The following NOL4 variants were observed in gnomAD, a reference collection of about 807,000 sequenced individuals.
The protein encoded by NOL4 is nucleolar protein 4.
In NOL4, 17 loss-of-function variants were observed where a neutral mutation model predicts 75.9. The ratio of observed to expected loss-of-function variants is 0.22; its 90% confidence interval spans 0.15 to 0.34. NOL4 has a LOEUF of 0.34. Among genes scored for constraint, NOL4 ranks in the 10% least tolerant of loss-of-function variants. The pLI is 1.00. For missense variants in NOL4, 614 were observed against 793.5 expected (o/e 0.77, Z 2.72); for synonymous variants, 292 against 289.9 (o/e 1.01, Z -0.07).
At chr18:34,004,632 C>T (rs1391120309) in intron 6 of NOL4, among the ~76,000 whole-genome samples, 3 of 152,064 alleles carry the variant, frequency 2.0e-5, no homozygotes, top group Non-Finnish European at 4.4e-5. Context: ...ATCATTCTCT[C>T]ATGTTATGGT....
At chr18:34,116,289 G>T (rs968145033) in intron 2 of NOL4, among the ~76,000 whole-genome samples, 1 of 142,376 alleles carries the variant, frequency 7.0e-6, no homozygotes. Context: ...CCATCTGTGG[G>T]TTATAAAAAA....
chr18:34,002,510 C>A (rs1480272176), intron 6 of NOL4, among the ~76,000 whole-genome samples: 2 of 152,058 alleles, frequency 1.3e-5, no homozygotes, highest in Non-Finnish European at 2.9e-5. Context: ...TTTGACCATA[C>A]CATGTCTTCT....
At chr18:34,187,020 T>C (rs766678657) in intron 1 of NOL4, among the ~76,000 whole-genome samples, 1 of 152,174 alleles carries the variant, frequency 6.6e-6, no homozygotes, top group Non-Finnish European at 1.5e-5. Flanking sequence ...AGTTGATGAA[T>C]CTACCTTGGC....
chr18:33,908,432 A>G (rs1374890980), intron 9 of NOL4, among the ~76,000 whole-genome samples: 1 of 152,168 alleles, frequency 6.6e-6, no homozygotes, highest in Non-Finnish European at 1.5e-5. Flanking sequence ...TCCCTTCCTA[A>G]TATCACTACA....
intron 6 of NOL4, among the ~76,000 whole-genome samples, chr18:34,012,866 C>T (rs564123946): frequency 6.6e-6 from 1 of 151,996 alleles, no homozygotes; most frequent in African/African-American, 2.4e-5. Context: ...TTCTGTATAG[C>T]TTGCCTGTCA....
At chr18:34,056,473 T>A (rs1420132400) in intron 5 of NOL4, among the ~76,000 whole-genome samples, 1 of 152,174 alleles carries the variant, frequency 6.6e-6, no homozygotes, top group Non-Finnish European at 1.5e-5. Flanking sequence ...CTACAGAATC[T>A]CTGCAGCTCT....
Position 34,223,106 on chromosome 18 carries a change from T to C in NOL4, c.148A>G (p.Asn50Asp). 6.2e-7 allele frequency: 1 copy of C among 1,614,194 alleles called. No homozygotes were observed. Among genetic ancestry groups the C allele is most frequent in the Non-Finnish European group, 8.5e-7 (1 of 1,180,030 alleles). ...TTGACCCAGAATTTAAATTTGGCGT[T>C]GTCCGTGGAGCTCGACTCGGAGCCA... ...LNGSESSSTD[N>D]AKFKFWVKSK... The change falls in exon 1 of 11, where the codon AAC (asparagine) becomes GAC (aspartate). Residue 50 changes from asparagine (N) to aspartate (D), a missense_variant. Physicochemically the swap from Asn to Asp is conservative, Grantham distance 23 (BLOSUM62 1). This residue lies in a region of NOL4 where 35 missense variants were observed against 29.2 expected (regional missense o/e 1.20). Transcript: ENST00000261592.
chr18:34,185,381 GA>G (rs1267451070), intron 1 of NOL4, among the ~76,000 whole-genome samples: 4 of 152,168 alleles, frequency 2.6e-5, no homozygotes, highest in Admixed American at 6.5e-5. Flanking sequence ...GCAACAGGAA[GA>G]AGGCCAGATG....
Position 33,922,313 on chromosome 18 carries a change from A to G in NOL4, c.1542+20752T>C, listed in dbSNP as rs566438225. 3.9e-5 allele frequency among the ~76,000 whole-genome samples: 6 copies of G among 152,322 alleles called. No individual in the cohort carries two copies. In the East Asian group the frequency reaches 7.7e-4, roughly 20 times the overall value. ...CCAGTTCTTAACATTGCCCTCCTTC[A>G]GTTGCTTTCAGCCATCACTGATACC... is the stretch of plus-strand genomic sequence containing the variant. On this transcript the variant is annotated intron_variant, in intron 9 of 10. Coordinates refer to ENST00000261592, the MANE Select transcript of NOL4 (RefSeq NM_003787.5).
chr18:34,106,541 C>T (rs2079287814), intron 2 of NOL4, among the ~76,000 whole-genome samples: 2 of 151,810 alleles, frequency 1.3e-5, no homozygotes, highest in African/African-American at 4.8e-5. Context: ...ATTATATTGA[C>T]AGAGTAAGAT....
At position 34,192,634 on chromosome 18, in the gene NOL4, G is replaced by A. The variant is rs557942159; in HGVS notation, c.264+30356C>T. 5.3e-5 allele frequency among the ~76,000 whole-genome samples: 8 copies of A among 152,226 alleles called. No homozygotes were observed. In the East Asian group the frequency reaches 1.4e-3, roughly 26 times the overall value. On this transcript the variant is annotated intron_variant, in intron 1 of 10. Transcript: ENST00000261592. ...GAAAGGACATTTTCTTCAATAAATGGTATTGGGACAACTTGATATCCTCAT... is the reference window on the plus strand; with the variant it reads ...GAAAGGACATTTTCTTCAATAAATGATATTGGGACAACTTGATATCCTCAT...
intron 1 of NOL4, among the ~76,000 whole-genome samples, chr18:34,208,036 A>T (rs1223486494): frequency 2.6e-5 from 4 of 152,222 alleles, no homozygotes; most frequent in African/African-American, 9.6e-5. Flanking sequence ...TCCTCTGGAC[A>T]GAAAGAGCTT....
intron 1 of NOL4, among the ~76,000 whole-genome samples, chr18:34,185,541 G>C (rs2034395608): frequency 6.6e-6 from 1 of 152,032 alleles, no homozygotes; most frequent in African/African-American, 2.4e-5. Context: ...ATTATTCAAA[G>C]GGAAGAATTT....
intron 9 of NOL4, among the ~76,000 whole-genome samples, chr18:33,910,304 T>C (rs931013029): frequency 6.6e-6 from 1 of 152,156 alleles, no homozygotes; most frequent in African/African-American, 2.4e-5. Flanking sequence ...GCTTACTTGC[T>C]CTCTGGACTC....
At chr18:34,022,345 A>G (rs1035661691) in intron 5 of NOL4, among the ~76,000 whole-genome samples, 37 of 152,002 alleles carry the variant, frequency 2.4e-4, no homozygotes, top group Non-Finnish European at 4.9e-4. Flanking sequence ...AAAAATACAT[A>G]GGAAAATTTA....
At chr18:34,061,304 T>C (rs2077053898) in intron 5 of NOL4, among the ~76,000 whole-genome samples, 1 of 152,192 alleles carries the variant, frequency 6.6e-6, no homozygotes, top group Non-Finnish European at 1.5e-5. Context: ...CTCTTCCACA[T>C]ACAGTGGGTA....
At chr18:34,169,466 G>GAAAAAAAA (rs35084288) in intron 1 of NOL4, among the ~76,000 whole-genome samples, 1 of 128,850 alleles carries the variant, frequency 7.8e-6, no homozygotes. Flanking sequence ...GGGCAAACAG[G>GAAAAAAAA]AAAAAAAAAA....
rs1600295336 is a variant in NOL4 at position 34,025,286 on chromosome 18, T to C, written c.773-5685A>G. ...ATGTGTAACTAAGGAGCTATAAACC[T>C]TATCTGGGGGAAAAGGATAAACTTA... On this transcript the variant is annotated intron_variant, in intron 5 of 10. Coordinates refer to ENST00000261592, the MANE Select transcript of NOL4 (RefSeq NM_003787.5). 3.3e-5 allele frequency among the ~76,000 whole-genome samples: 5 copies of C among 152,242 alleles called. No individual in the cohort carries two copies. In the South Asian group the frequency reaches 1.0e-3, roughly 32 times the overall value.
chr18:33,860,678 G>C (rs1356942500), intron 10 of NOL4, among the ~76,000 whole-genome samples: 1 of 151,952 alleles, frequency 6.6e-6, no homozygotes, highest in Non-Finnish European at 1.5e-5. Flanking sequence ...ATGTTGAATA[G>C]GAGTGGTGAG....
Sources: gnomAD v4.1 joint callset for allele counts (sites outside exome capture counted in the v4.1 genomes callset) on GRCh38, gnomAD v4.1.1 for gene constraint, gnomAD v4.1.1 regional missense constraint, MANE v1.5 for transcripts, NCBI Gene and HGNC (gene_info 2026-07-23, HGNC 2026-07-21) for gene names.